Variants in WNT2B observed in about 807,000 individuals in gnomAD.
WNT2B encodes Wnt family member 2B.
A neutral mutation model predicts 40.5 loss-of-function variants in WNT2B; 19 were observed. The observed-to-expected ratio is 0.47, with a 90% CI of 0.33 to 0.69. The LOEUF (loss-of-function observed/expected upper bound fraction) is 0.69, where lower values mean the gene tolerates loss of function less well. WNT2B is among the 30% of genes least tolerant of loss of function. WNT2B has a pLI of 0.02. For synonymous variants in WNT2B, 220 were observed against 211.9 expected (o/e 1.04, Z -0.33); for missense variants, 467 against 556.4 (o/e 0.84, Z 1.62).
chr1:112,495,297 C>A (rs1389245802), intron 1 of WNT2B, among the ~76,000 whole-genome samples: 1 of 151,656 alleles, frequency 6.6e-6, no homozygotes, highest in Non-Finnish European at 1.5e-5. Flanking sequence ...CAGCTATAGG[C>A]CAGGCGTGGT....
At chr1:112,490,648 C>T (rs1651571752) in intron 1 of WNT2B, among the ~76,000 whole-genome samples, 2 of 151,986 alleles carry the variant, frequency 1.3e-5, no homozygotes, top group Admixed American at 6.6e-5. Flanking sequence ...CATCACCACA[C>T]CCGGCTAATT....
At chr1:112,475,661 C>CAA (rs1435195518) in intron 1 of WNT2B, among the ~76,000 whole-genome samples, 1 of 151,452 alleles carries the variant, frequency 6.6e-6, no homozygotes, top group Non-Finnish European at 1.5e-5. Context: ...AAGATGTACA[C>CAA]AATGAGCCAT....
chr1:112,504,113 C>T (rs914066538), upstream of WNT2B, among the ~76,000 whole-genome samples: 1 of 152,116 alleles, frequency 6.6e-6, no homozygotes, highest in Non-Finnish European at 1.5e-5. Flanking sequence ...GGTCAGTTGA[C>T]CACCCAGGAT....
In WNT2B at chr1:112,522,367, C is replaced by G. The variant is rs1652928799; in HGVS notation, c.*1858C>G. On this transcript the variant is annotated 3_prime_UTR_variant, in exon 5 of 5. Coordinates refer to ENST00000369684, the MANE Select transcript of WNT2B (RefSeq NM_024494.3). The stretch of plus-strand genomic sequence containing the variant: ...GTTTTAATTATGCACCAAACTCCAG[C>G]CCGCAGATCCTCTTCACCAAAGCCC... 6.6e-6 allele frequency: 1 copy of G among 152,262 alleles called. No individual in the cohort carries two copies. Among genetic ancestry groups the G allele is most frequent in the African/African-American group, 2.4e-5 (1 of 41,452 alleles). 9.4% of individuals were successfully genotyped at this position (152,262 alleles called of 1,614,324 possible). A position where few individuals can be genotyped will look rare whatever the true frequency, so the allele number is the denominator to read the frequency against.
intron 1 of WNT2B, among the ~76,000 whole-genome samples, chr1:112,479,620 G>A (rs1405390850): frequency 6.6e-6 from 1 of 152,090 alleles, no homozygotes; most frequent in African/African-American, 2.4e-5. Context: ...AAACAAGCCA[G>A]CAGCCAACAA....
At chr1:112,517,489 T>G in intron 4 of WNT2B, 104 bp downstream of exon 4, 1 of 1,422,170 alleles carries the variant, frequency 7.0e-7, no homozygotes, top group Non-Finnish European at 9.3e-7. Context: ...AAGGGGGTGC[T>G]GTGGGAGGAG....
intron 1 of WNT2B, among the ~76,000 whole-genome samples, chr1:112,497,016 T>C (rs1327688928): frequency 6.6e-6 from 1 of 152,224 alleles, no homozygotes; most frequent in Non-Finnish European, 1.5e-5. Context: ...AATAATCTTC[T>C]TTGACTCCAT....
chr1:112,479,886 A>G (rs942468658), intron 1 of WNT2B, among the ~76,000 whole-genome samples: 1 of 151,088 alleles, frequency 6.6e-6, no homozygotes, highest in African/African-American at 2.4e-5. Flanking sequence ...AATTTTCTGT[A>G]TTTTTTTAGT....
At chr1:112,508,806 C>T (rs960259391), upstream of WNT2B, 10 of 989,348 alleles carry the variant, frequency 1.0e-5, no homozygotes, top group South Asian at 1.9e-4. The surrounding 1 kb of genome is among the most constrained non-coding windows in gnomAD (Gnocchi z 4.2). Context: ...CGCGGTGGCG[C>T]GCGGGAGCCC....
At chr1:112,487,056 T>C (rs1651439975) in intron 1 of WNT2B, among the ~76,000 whole-genome samples, 1 of 152,166 alleles carries the variant, frequency 6.6e-6, no homozygotes, top group Non-Finnish European at 1.5e-5. Flanking sequence ...AGCCAAAAAC[T>C]TGTAATTACC....
At position 112,520,327 on chromosome 1, in the gene WNT2B, A is replaced by G. The variant is rs773339184; in HGVS notation, c.994A>G (p.Thr332Ala). The change falls in exon 5 of 5, where the codon ACA becomes GCA. Residue 332 changes from threonine (T) to alanine (A), a missense_variant. Physicochemically the swap from Thr to Ala is moderately conservative, Grantham distance 58. Coordinates refer to ENST00000369684, the MANE Select transcript of WNT2B (RefSeq NM_024494.3). Reference sequence around the variant, plus strand: ...TGTCTGCAGCAAGACATCAAAAGGAACAGACGGTTGTGAAATCATGTGCTG... The same window carrying G: ...TGTCTGCAGCAAGACATCAAAAGGAGCAGACGGTTGTGAAATCATGTGCTG... ...GRVCSKTSKG[T>A]DGCEIMCCGR... 3.1e-6 allele frequency: 5 copies of G among 1,614,082 alleles called. No homozygotes were observed. The African/African-American group carries it at 6.7e-5, about 22-fold the overall frequency.
intron 1 of WNT2B, among the ~76,000 whole-genome samples, chr1:112,511,551 C>T (rs1418775858): frequency 6.6e-6 from 1 of 152,230 alleles, no homozygotes; most frequent in Admixed American, 6.5e-5. Flanking sequence ...CCATGTTCCA[C>T]TCTGGAGCAG....
intron 1 of WNT2B, among the ~76,000 whole-genome samples, chr1:112,500,687 G>C (rs1245186126): frequency 7.2e-5 from 11 of 152,134 alleles, no homozygotes; most frequent in Admixed American, 7.2e-4. Context: ...AGGGAAGATG[G>C]CTTGAGCCCA....
rs1340280277 is a variant in WNT2B at position 112,479,081 on chromosome 1, C to T, written c.-95+11490C>T. 2.7e-5 allele frequency among the ~76,000 whole-genome samples: 4 copies of T among 150,118 alleles called. 1 individual carries two copies. Among genetic ancestry groups the T allele is most frequent in the South Asian group, 4.2e-4 (2 of 4,716 alleles). Reference sequence around the variant, plus strand: ...ACTAAAAATACAAAAATTAGCTGGGCGTAGTGGTACATGCCTGTAATCCCA... The same window carrying T: ...ACTAAAAATACAAAAATTAGCTGGGTGTAGTGGTACATGCCTGTAATCCCA... On this transcript the variant is annotated intron_variant, in intron 1 of 4. Transcript: ENST00000256640.
chr1:112,510,765 A>G (rs943009431), intron 1 of WNT2B, among the ~76,000 whole-genome samples: 3 of 151,892 alleles, frequency 2.0e-5, no homozygotes, highest in Non-Finnish European at 4.4e-5. Context: ...TTGGGGGAAC[A>G]GAGAGGCCTA....
At position 112,525,324 on chromosome 1, in the gene WNT2B, G is replaced by A. The variant is rs974105517; in HGVS notation, c.*4815G>A. 1.3e-5 allele frequency: 2 copies of A among 152,254 alleles called. No homozygotes were observed. The highest frequency in any genetic ancestry group is 4.8e-5 in the African/African-American group (2 of 41,442). The allele number at this position is 152,254 out of a possible 1,614,324, so 9.4% of individuals were successfully genotyped here. On this transcript the variant is annotated 3_prime_UTR_variant, in exon 5 of 5. Coordinates refer to ENST00000369684, the MANE Select transcript of WNT2B (RefSeq NM_024494.3). ...GCTTTATTAGGGTAAATATATCACA[G>A]TTGCTACAGTGAATTGAGCTTTCTC...
At chr1:112,493,603 C>T (rs1003390576) in intron 1 of WNT2B, among the ~76,000 whole-genome samples, 10 of 151,692 alleles carry the variant, frequency 6.6e-5, no homozygotes, top group African/African-American at 9.7e-5. Context: ...GTCTGGGCAA[C>T]GGAGCAAGAC....
intron 1 of WNT2B, among the ~76,000 whole-genome samples, chr1:112,495,231 G>A (rs1284359944): frequency 6.6e-6 from 1 of 151,252 alleles, no homozygotes; most frequent in Non-Finnish European, 1.5e-5. Flanking sequence ...ACAAAAATAG[G>A]TACAAAGTAT....
At chr1:112,506,784 G>A (rs1652119304), upstream of WNT2B, among the ~76,000 whole-genome samples, 1 of 152,238 alleles carries the variant, frequency 6.6e-6, no homozygotes. Flanking sequence ...GAGAGAAGGG[G>A]AAGAAAATAA....
Sources: gnomAD v4.1 joint callset for allele counts (sites outside exome capture counted in the v4.1 genomes callset) on GRCh38, gnomAD v4.1.1 for gene constraint, Gnocchi (gnomAD v3.1) non-coding constraint, MANE v1.5 for transcripts, NCBI Gene and HGNC (gene_info 2026-07-23, HGNC 2026-07-21) for gene names.